Variants in MECOM observed in about 807,000 individuals in gnomAD.
The protein encoded by MECOM is MDS1 and EVI1 complex locus, also known as histone-lysine N-methyltransferase MECOM.
Under a neutral mutation model 116.3 loss-of-function variants are expected in MECOM, and 13 were observed. The ratio of observed to expected loss-of-function variants is 0.11; its 90% CI spans 0.07 to 0.18. MECOM has a LOEUF of 0.18. Ranked by LOEUF, MECOM falls within the 10% of genes least tolerant of loss-of-function variation. The pLI, the probability that MECOM is intolerant of heterozygous loss-of-function variation, is 1.00. For synonymous variants in MECOM, 528 were observed against 535.2 expected (o/e 0.99, Z 0.19); for missense variants, 1,299 against 1,509.0 (o/e 0.86, Z 2.31).
intron 1 of MECOM, among the ~76,000 whole-genome samples, chr3:169,533,348 A>G (rs1216922058): frequency 6.6e-6 from 1 of 152,166 alleles, no homozygotes; most frequent in African/African-American, 2.4e-5. Flanking sequence ...TGATGGTGGC[A>G]TTGCTACGAT....
chr3:169,589,402 C>T (rs1766139482), intron 1 of MECOM, among the ~76,000 whole-genome samples: 1 of 152,066 alleles, frequency 6.6e-6, no homozygotes, highest in African/African-American at 2.4e-5. Flanking sequence ...TCGGCCATCC[C>T]ATATCCCTAC....
intron 9 of MECOM, among the ~76,000 whole-genome samples, chr3:169,110,647 A>G (rs2149030279): frequency 6.6e-6 from 1 of 152,270 alleles, no homozygotes; most frequent in African/African-American, 2.4e-5. Flanking sequence ...ACTATCCAGC[A>G]AATAAAACAT....
At chr3:169,493,984 T>C (rs1753488202) in intron 1 of MECOM, among the ~76,000 whole-genome samples, 1 of 152,114 alleles carries the variant, frequency 6.6e-6, no homozygotes, top group Non-Finnish European at 1.5e-5. Flanking sequence ...TAGGAAAGAA[T>C]ACAGATTTAT....
Position 169,224,982 on chromosome 3 carries a change from CAA to C in MECOM, c.376-81152_376-81151del, listed in dbSNP as rs199644331. Among the ~76,000 whole-genome samples the C allele has an allele frequency of 7.2e-5, 11 of 152,240 alleles. No homozygotes were observed. The East Asian group carries it at 1.9e-3, about 27-fold the overall frequency. ...AACCAATCTTTTTTAAAAAAATTCACAAAGTCTGCTAAATACATTGGTCAGAT... is the reference window on the plus strand; with the variant it reads ...AACCAATCTTTTTTAAAAAAATTCACAGTCTGCTAAATACATTGGTCAGAT... On this transcript the variant is annotated intron_variant, in intron 2 of 16. Transcript: ENST00000651503.
intron 2 of MECOM, among the ~76,000 whole-genome samples, chr3:169,206,370 G>A (rs1312396153): frequency 1.3e-5 from 2 of 152,216 alleles, no homozygotes; most frequent in Admixed American, 1.3e-4. Context: ...ATCCCAAAAG[G>A]TATAGTGTTT....
intron 12 of MECOM, among the ~76,000 whole-genome samples, chr3:169,097,892 A>G (rs2148917988): frequency 6.7e-6 from 1 of 148,216 alleles, no homozygotes; most frequent in African/African-American, 2.5e-5. Flanking sequence ...TATCTTTCTG[A>G]AGAGATAATT....
At chr3:169,607,687 G>A (rs964828927) in intron 1 of MECOM, among the ~76,000 whole-genome samples, 3 of 152,206 alleles carry the variant, frequency 2.0e-5, no homozygotes, top group Admixed American at 6.5e-5. Flanking sequence ...GTGCACACAC[G>A]TACAAACACA....
intron 2 of MECOM, among the ~76,000 whole-genome samples, chr3:169,230,426 T>G (rs1753239362): frequency 6.6e-6 from 1 of 152,150 alleles, no homozygotes; most frequent in Non-Finnish European, 1.5e-5. Flanking sequence ...GTGGGCAGAT[T>G]TTATAAATAG....
chr3:169,408,188 GA>G (rs1450093512), intron 1 of MECOM, among the ~76,000 whole-genome samples: 1 of 152,110 alleles, frequency 6.6e-6, no homozygotes, highest in Admixed American at 6.5e-5. Context: ...AAACTTCCGA[GA>G]ACAGTATAAA....
chr3:169,170,176 G>A (rs1056922745), intron 2 of MECOM, among the ~76,000 whole-genome samples: 3 of 151,966 alleles, frequency 2.0e-5, no homozygotes, highest in Non-Finnish European at 2.9e-5. Flanking sequence ...ACTTTGGGAG[G>A]CCAAGGCGGG....
intron 2 of MECOM, among the ~76,000 whole-genome samples, chr3:169,274,417 T>G (rs752077375): frequency 6.6e-6 from 1 of 152,234 alleles, no homozygotes; most frequent in Admixed American, 6.5e-5. Context: ...AGCACTACAC[T>G]GTTTTCTGGA....
intron 2 of MECOM, among the ~76,000 whole-genome samples, chr3:169,281,551 C>T (rs1011805696): frequency 6.6e-6 from 1 of 152,128 alleles, no homozygotes; most frequent in African/African-American, 2.4e-5. Context: ...TGGCTCATGC[C>T]TGTAATCCCA....
chr3:169,576,830 CACACACACAGAG>C lies in MECOM; in HGVS notation c.37+86494_37+86505del, dbSNP rs1280776457. On this transcript the variant is annotated intron_variant, in intron 1 of 16. Transcript: ENST00000651503. ...ACACACACACACACACACACACACACACACACACAGAGAGAGAGAGAGAGAGTTAAGAGTGAT... is the reference window on the plus strand; with the variant it reads ...ACACACACACACACACACACACACACAGAGAGAGAGAGAGTTAAGAGTGAT... Among the ~76,000 whole-genome samples the C allele has an allele frequency of 6.2e-5, 6 of 97,328 alleles. No homozygotes were observed. The East Asian group carries it at 2.8e-3, about 46-fold the overall frequency. 63.9% of individuals were successfully genotyped at this position (97,328 alleles called of 152,430 possible). A position where few individuals can be genotyped will look rare whatever the true frequency, so the allele number is the denominator to read the frequency against.
chr3:169,575,496 C>T (rs1321227002), intron 1 of MECOM, among the ~76,000 whole-genome samples: 1 of 152,198 alleles, frequency 6.6e-6, no homozygotes, highest in Non-Finnish European at 1.5e-5. Flanking sequence ...TGCTCGTTTT[C>T]CTGCCTTCTT....
chr3:169,366,347 T>C (rs930034838), intron 2 of MECOM, among the ~76,000 whole-genome samples: 12 of 151,918 alleles, frequency 7.9e-5, no homozygotes, highest in African/African-American at 1.9e-4. Context: ...GGAAACCAGG[T>C]CCAGGATTTC....
At chr3:169,626,286 C>A (rs771049698) in intron 1 of MECOM, among the ~76,000 whole-genome samples, 3 of 152,174 alleles carry the variant, frequency 2.0e-5, no homozygotes, top group Admixed American at 2.0e-4. Flanking sequence ...GGAATTCTCA[C>A]GGTAATATGT....
intron 1 of MECOM, among the ~76,000 whole-genome samples, chr3:169,433,554 GAAAGAGGA>G (rs950338027): frequency 2.1e-5 from 3 of 144,290 alleles, no homozygotes; most frequent in African/African-American, 7.8e-5. Flanking sequence ...AGAAAAGAAA[GAAAGAGGA>G]AGGAAGGAAG....
At chr3:169,145,179 CACACACACACAGAG>C (rs1553857112) in intron 2 of MECOM, 151,735 of 404,164 alleles carry the variant, frequency 0.38, 18,488 homozygotes, top group African/African-American at 0.44. Context: ...CACACACACA[CACACACACACAGAG>C]AGAAATCAAA....
At chr3:169,571,639 C>G (rs969495332) in intron 1 of MECOM, among the ~76,000 whole-genome samples, 1 of 152,148 alleles carries the variant, frequency 6.6e-6, no homozygotes, top group African/African-American at 2.4e-5. Context: ...GGTACCAAAA[C>G]AGATATATAG....
Sources: allele counts gnomAD v4.1 joint callset (sites outside exome capture counted in the v4.1 genomes callset), GRCh38; gene constraint gnomAD v4.1.1; transcripts MANE v1.5; gene names NCBI Gene and HGNC (gene_info 2026-07-23, HGNC 2026-07-21).